ZDHHC14: variants seen among roughly 807,000 people sequenced by gnomAD.
The protein encoded by ZDHHC14 is palmitoyltransferase ZDHHC14.
Under a neutral mutation model 47.7 loss-of-function variants are expected in ZDHHC14, and 16 were observed. The ratio of observed to expected loss-of-function variants is 0.34; its 90% CI spans 0.23 to 0.51. ZDHHC14 has a LOEUF of 0.51. Ranked by LOEUF, ZDHHC14 falls within the 20% of genes least tolerant of loss-of-function variation. The pLI is 0.97. For missense variants in ZDHHC14, 515 were observed against 662.5 expected (o/e 0.78, Z 2.44); for synonymous variants, 293 against 278.9 (o/e 1.05, Z -0.50).
chr6:157,557,673 A>G (rs1206374341), intron 2 of ZDHHC14, among the ~76,000 whole-genome samples: 1 of 152,244 alleles, frequency 6.6e-6, no homozygotes, highest in Admixed American at 6.5e-5. Context: ...ACCTCTTGTC[A>G]GCTGGGTCCA....
At chr6:157,531,541 C>T (rs912336146) in intron 1 of ZDHHC14, among the ~76,000 whole-genome samples, 3 of 152,128 alleles carry the variant, frequency 2.0e-5, no homozygotes, top group African/African-American at 7.2e-5. Context: ...CGTTCCTCAA[C>T]ACCTGTGTCT....
rs1478269263 is a variant in ZDHHC14, at chr6:157,456,445, C to T, written c.245+74179C>T. On this transcript the variant is annotated intron_variant, in intron 1 of 8. Transcript: ENST00000359775. ...GTCATAAGTGTGGGATGTTGCCTCC[C>T]CCATGGAGCCAGGGTTTTTGCAAAG... Among the ~76,000 whole-genome samples, 3 of 152,288 alleles carry T rather than the reference C, an allele frequency of 2.0e-5. No homozygotes were observed. The East Asian group carries it at 5.8e-4, about 29-fold the overall frequency.
At chr6:157,540,458 G>A (rs1321710079) in intron 1 of ZDHHC14, among the ~76,000 whole-genome samples, 1 of 152,192 alleles carries the variant, frequency 6.6e-6, no homozygotes, top group Non-Finnish European at 1.5e-5. Context: ...GCACACCAAA[G>A]CCTAAGATCT....
chr6:157,459,972 G>A (rs1779028578), intron 1 of ZDHHC14, among the ~76,000 whole-genome samples: 1 of 151,066 alleles, frequency 6.6e-6, no homozygotes. Context: ...AGCACTTTGG[G>A]AGGCTGAGGT....
rs140564137 is a variant in ZDHHC14, at chr6:157,567,905, C to T, written c.407-25083C>T. Reference sequence around the variant, plus strand: ...GCTAATATTTGGACTCAGCCCCTTACAGCACTGTAGGGCTGCCAGAAGGCC... The same window carrying T: ...GCTAATATTTGGACTCAGCCCCTTATAGCACTGTAGGGCTGCCAGAAGGCC... On this transcript the variant is annotated intron_variant, in intron 2 of 8. Coordinates refer to ENST00000359775, the MANE Select transcript of ZDHHC14 (RefSeq NM_024630.3). Among the ~76,000 whole-genome samples, 533 of 152,146 alleles carry T rather than the reference C, an allele frequency of 3.5e-3. 6 individuals carry two copies. The highest frequency in any genetic ancestry group is 0.013 in the African/African-American group (522 of 41,510).
At chr6:157,636,976 A>G (rs1412819686) in intron 5 of ZDHHC14, among the ~76,000 whole-genome samples, 1 of 152,226 alleles carries the variant, frequency 6.6e-6, no homozygotes, top group Non-Finnish European at 1.5e-5. Flanking sequence ...GCCTTGGAGA[A>G]GAGTTCCTCC....
At chr6:157,433,174 G>A (rs1778372568) in intron 1 of ZDHHC14, among the ~76,000 whole-genome samples, 1 of 152,232 alleles carries the variant, frequency 6.6e-6, no homozygotes, top group African/African-American at 2.4e-5. Flanking sequence ...CGAGCACAGT[G>A]CTGGCACGAT....
At chr6:157,531,018 G>C (rs926655490) in intron 1 of ZDHHC14, among the ~76,000 whole-genome samples, 1 of 151,992 alleles carries the variant, frequency 6.6e-6, no homozygotes, top group African/African-American at 2.4e-5. Context: ...CCAGGAGAGA[G>C]ATCGTTAGCT....
chr6:157,480,100 A>G (rs943408750), intron 1 of ZDHHC14, among the ~76,000 whole-genome samples: 1 of 152,150 alleles, frequency 6.6e-6, no homozygotes, highest in African/African-American at 2.4e-5. Context: ...TAGGTGGTGG[A>G]CATGTTGGGC....
rs775158860 is a variant in ZDHHC14 at position 157,632,911 on chromosome 6, G to A, written c.752+29G>A. The A allele has an allele frequency of 3.3e-5, 54 of 1,612,120 alleles. No homozygotes were observed. The Admixed American group carries it at 5.7e-4, about 17-fold the overall frequency. On this transcript the variant is annotated intron_variant, in intron 5 of 8. Transcript: ENST00000359775. ...TCCTTTGTGATGATTCTGTTTTCAC[G>A]ATGCTAATGTGTTGAGTATCTGGCT...
chr6:157,478,454 G>A (rs1779542537), intron 1 of ZDHHC14, among the ~76,000 whole-genome samples: 1 of 152,044 alleles, frequency 6.6e-6, no homozygotes, highest in Admixed American at 6.5e-5. Context: ...TTTTTAAATG[G>A]CAATTCCAGG....
rs949763311 is a variant in ZDHHC14, at chr6:157,662,541, G to A, written c.1068+8914G>A. Among the ~76,000 whole-genome samples the A allele has an allele frequency of 3.3e-5, 5 of 152,364 alleles. No individual in the cohort carries two copies. In the South Asian group the frequency reaches 6.2e-4, roughly 19 times the overall value. On this transcript the variant is annotated intron_variant, in intron 8 of 8. Coordinates refer to ENST00000359775, the MANE Select transcript of ZDHHC14 (RefSeq NM_024630.3). ...GTGCAAATTCCCCTCACAGGGGCTC[G>A]CACACAGGAGGCTCATAACAAATAT... is the stretch of plus-strand genomic sequence containing the variant.
intron 1 of ZDHHC14, among the ~76,000 whole-genome samples, chr6:157,485,228 T>A (rs916479452): frequency 6.6e-6 from 1 of 151,872 alleles, no homozygotes; most frequent in African/African-American, 2.4e-5. Context: ...CATTGGGAGG[T>A]TTGGGCCTGG....
chr6:157,381,500 C>G lies in ZDHHC14; in HGVS notation c.-522C>G. ...GCGGCCGCCCAGTCGCCAGCGCTCT[C>G]TCCTGGGAGGATCCGCTGCCGGAGG... On this transcript the variant is annotated 5_prime_UTR_variant, in exon 1 of 9. Coordinates refer to ENST00000359775, the MANE Select transcript of ZDHHC14 (RefSeq NM_024630.3). 1 of 405,190 alleles carries G rather than the reference C, an allele frequency of 2.5e-6. No individual in the cohort carries two copies. The highest frequency in any genetic ancestry group is 4.9e-6 in the Non-Finnish European group (1 of 202,938). The allele number at this position is 405,190 out of a possible 1,614,324, so 25.1% of individuals were successfully genotyped here.
At chr6:157,536,323 T>A (rs1437190603) in intron 1 of ZDHHC14, among the ~76,000 whole-genome samples, 2 of 152,220 alleles carry the variant, frequency 1.3e-5, no homozygotes, top group African/African-American at 4.8e-5. Flanking sequence ...AAATATCAAA[T>A]GTAGGCCATT....
chr6:157,636,398 G>C (rs1400042860), intron 5 of ZDHHC14, among the ~76,000 whole-genome samples: 3 of 151,814 alleles, frequency 2.0e-5, no homozygotes, highest in Non-Finnish European at 2.9e-5. Flanking sequence ...AGTAAGTACA[G>C]ATGTAGACAG....
chr6:157,547,831 A>G (rs1441823042), intron 2 of ZDHHC14, among the ~76,000 whole-genome samples: 1 of 149,940 alleles, frequency 6.7e-6, no homozygotes, highest in Non-Finnish European at 1.5e-5. Flanking sequence ...TACTAAGAAA[A>G]ATTTTTTTTG....
At chr6:157,641,304 A>C (rs1392197916) in intron 5 of ZDHHC14, among the ~76,000 whole-genome samples, 1 of 152,342 alleles carries the variant, frequency 6.6e-6, no homozygotes, top group South Asian at 2.1e-4. Flanking sequence ...AAATGTCGAT[A>C]GGGATGCCAA....
intron 1 of ZDHHC14, among the ~76,000 whole-genome samples, chr6:157,476,096 A>G (rs1407882515): frequency 6.6e-6 from 1 of 152,140 alleles, no homozygotes; most frequent in Admixed American, 6.5e-5. Context: ...GGAAAGAAAT[A>G]ATAGAGATCA....
Sources: gnomAD v4.1 joint callset for allele counts (sites outside exome capture counted in the v4.1 genomes callset) on GRCh38, gnomAD v4.1.1 for gene constraint, MANE v1.5 for transcripts, NCBI Gene and HGNC (gene_info 2026-07-23, HGNC 2026-07-21) for gene names.